Variants in CCDC146 observed in about 807,000 individuals in gnomAD.
CCDC146 encodes coiled-coil domain containing 146, also known as coiled-coil domain-containing protein 146.
A neutral mutation model predicts 119.3 loss-of-function variants in CCDC146; 92 were observed. The ratio of observed to expected loss-of-function variants is 0.77; its 90% CI spans 0.65 to 0.92. CCDC146 has a LOEUF of 0.92. Ranked by LOEUF, CCDC146 falls within the 40% of genes least tolerant of loss-of-function variation. The probability of loss-of-function intolerance (pLI) is 0.00; values close to 1 mark genes in which losing one functional copy is unlikely to be tolerated. For missense variants in CCDC146, 1,000 were observed against 1,103.0 expected (o/e 0.91, Z 1.32); for synonymous variants, 372 against 371.8 (o/e 1.00, Z -0.01).
chr7:77,263,554 G>A (rs770936234), intron 9 of CCDC146, among the ~76,000 whole-genome samples: 10 of 152,210 alleles, frequency 6.6e-5, no homozygotes, highest in South Asian at 2.1e-4. Context: ...TGAAAAAATC[G>A]GTTAGGGTTA....
At chr7:77,129,029 G>A (rs983690676) in intron 1 of CCDC146, among the ~76,000 whole-genome samples, 8 of 152,062 alleles carry the variant, frequency 5.3e-5, no homozygotes, top group Admixed American at 3.3e-4. Context: ...CCCTACTCCT[G>A]CACAAACATG....
intron 4 of CCDC146, among the ~76,000 whole-genome samples, chr7:77,253,368 A>C (rs1793115459): frequency 6.6e-6 from 1 of 152,218 alleles, no homozygotes; most frequent in African/African-American, 2.4e-5. Flanking sequence ...GAGCTCTTCA[A>C]ATAACCCTTC....
At chr7:77,204,483 A>G (rs1792049482) in intron 2 of CCDC146, among the ~76,000 whole-genome samples, 1 of 152,242 alleles carries the variant, frequency 6.6e-6, no homozygotes, top group Non-Finnish European at 1.5e-5. Flanking sequence ...ATATGGACCT[A>G]CAATGAAAGA....
chr7:77,289,104 T>C (rs1793898644), intron 17 of CCDC146, among the ~76,000 whole-genome samples: 1 of 152,260 alleles, frequency 6.6e-6, no homozygotes, highest in Non-Finnish European at 1.5e-5. Flanking sequence ...CGTCTGCCAC[T>C]GGACTGATGC....
chr7:77,126,091 G>A lies in CCDC146; in HGVS notation c.-12+3359G>A, dbSNP rs140558987. ...TTCAACAACAATTAGGAAGTTAGCA[G>A]TAGATTTTTAAAGATGCCCTTTAGC... On this transcript the variant is annotated intron_variant, in intron 1 of 18. Transcript: ENST00000285871. Among the ~76,000 whole-genome samples the A allele has an allele frequency of 5.3e-3, 813 of 152,210 alleles. 14 individuals carry two copies. Among genetic ancestry groups the A allele is most frequent in the African/African-American group, 0.019 (789 of 41,456 alleles).
chr7:77,135,149 C>T (rs183947909), intron 1 of CCDC146, among the ~76,000 whole-genome samples: 20 of 152,106 alleles, frequency 1.3e-4, no homozygotes, highest in Admixed American at 1.2e-3. Context: ...ATGTATAGCC[C>T]GCATTTATTT....
intron 2 of CCDC146, among the ~76,000 whole-genome samples, chr7:77,236,330 T>C (rs767740257): frequency 6.6e-5 from 10 of 152,216 alleles, no homozygotes; most frequent in African/African-American, 9.6e-5. Flanking sequence ...AGTACCTCTT[T>C]ATGCATTGGA....
chr7:77,273,853 C>A, intron 10 of CCDC146, 64 bp downstream of exon 10: 1 of 1,020,232 alleles, frequency 9.8e-7, no homozygotes, highest in Non-Finnish European at 1.5e-6. Context: ...GTGCTTTTAA[C>A]TGTGCTCCAC....
intron 16 of CCDC146, 176 bp downstream of exon 16, chr7:77,287,102 CA>C: frequency 1.3e-6 from 1 of 752,138 alleles, no homozygotes; most frequent in Non-Finnish European, 2.1e-6. Context: ...AGACACTTGC[CA>C]AAAGAAGTTC....
At chr7:77,137,302 G>GAA (rs543963373) in intron 1 of CCDC146, among the ~76,000 whole-genome samples, 3 of 144,278 alleles carry the variant, frequency 2.1e-5, no homozygotes, top group African/African-American at 7.8e-5. Flanking sequence ...AGATTGGGAA[G>GAA]AAAAAAAATA....
At chr7:77,237,144 G>A (rs936238898) in intron 3 of CCDC146, 115 bp downstream of exon 3, 47 of 803,984 alleles carry the variant, frequency 5.8e-5, no homozygotes, top group South Asian at 5.1e-4. Flanking sequence ...AAGGATTTGC[G>A]TTCAGGGAGT....
intron 1 of CCDC146, among the ~76,000 whole-genome samples, chr7:77,133,920 G>A (rs1336745236): frequency 1.3e-5 from 2 of 151,862 alleles, no homozygotes; most frequent in African/African-American, 4.8e-5. Context: ...TTGGCAGGAA[G>A]GAGTAATTAT....
intron 3 of CCDC146, among the ~76,000 whole-genome samples, chr7:77,240,698 A>G (rs1183622407): frequency 2.0e-5 from 3 of 152,238 alleles, no homozygotes; most frequent in African/African-American, 7.2e-5. Flanking sequence ...AAAAGTTGCA[A>G]AAATAATATA....
chr7:77,159,273 C>G lies in CCDC146; in HGVS notation c.-11-8385C>G, dbSNP rs1423413062. Among the ~76,000 whole-genome samples, 6 of 152,060 alleles carry G rather than the reference C, an allele frequency of 3.9e-5. No homozygotes were observed. In the East Asian group the frequency reaches 1.2e-3, roughly 29 times the overall value. On this transcript the variant is annotated intron_variant, in intron 1 of 18. Coordinates refer to ENST00000285871, the MANE Select transcript of CCDC146 (RefSeq NM_020879.3). ...TTCAAAACTTATTTATCTTGCATAG[C>G]TGAAATTTTGTACTCTTTAACTATT...
rs1246866160 is a variant in CCDC146 at position 77,261,158 on chromosome 7, C to T, written c.986+922C>T. On this transcript the variant is annotated intron_variant, in intron 8 of 18. Transcript: ENST00000285871. ...TTAAACTTTTAAGTTCAAGGTTACA[C>T]ATACAGGTTTGTTATAGGTAAACTT... Among the ~76,000 whole-genome samples the T allele has an allele frequency of 2.6e-5, 4 of 152,098 alleles. No homozygotes were observed. The East Asian group carries it at 7.7e-4, about 29-fold the overall frequency.
At chr7:77,134,610 G>A (rs1250204058) in intron 1 of CCDC146, among the ~76,000 whole-genome samples, 1 of 150,202 alleles carries the variant, frequency 6.7e-6, no homozygotes, top group Non-Finnish European at 1.5e-5. Flanking sequence ...TATGGGGTAT[G>A]CATGTTCTCC....
chr7:77,158,118 C>G (rs1791203879), intron 1 of CCDC146, among the ~76,000 whole-genome samples: 1 of 152,158 alleles, frequency 6.6e-6, no homozygotes, highest in African/African-American at 2.4e-5. Flanking sequence ...GCCCTATCTA[C>G]TCTCCTAAGA....
chr7:77,177,435 T>A (rs1791516900), intron 2 of CCDC146, among the ~76,000 whole-genome samples: 1 of 152,194 alleles, frequency 6.6e-6, no homozygotes, highest in African/African-American at 2.4e-5. Context: ...TATTGCTATT[T>A]CCATCTTAAA....
intron 8 of CCDC146, among the ~76,000 whole-genome samples, chr7:77,261,838 G>T (rs1171579255): frequency 6.6e-6 from 1 of 152,200 alleles, no homozygotes; most frequent in Non-Finnish European, 1.5e-5. Flanking sequence ...TCTTTATCTG[G>T]TCTACCATTG....
Sources: allele counts gnomAD v4.1 joint callset (sites outside exome capture counted in the v4.1 genomes callset), GRCh38; gene constraint gnomAD v4.1.1; transcripts MANE v1.5; gene names NCBI Gene and HGNC (gene_info 2026-07-23, HGNC 2026-07-21).